Variants in CFAP90 observed in about 807,000 individuals in gnomAD.
CFAP90 encodes the protein cilia- and flagella-associated protein 90.
the CFAP90 span, among the ~76,000 whole-genome samples, chr5:7,836,035 G>A: frequency 6.6e-6 from 1 of 152,144 alleles, no homozygotes; most frequent in East Asian, 1.9e-4. Flanking sequence ...ATGCTGGAAG[G>A]GCAAACAAGC....
At chr5:7,844,124 G>A in the CFAP90 span, among the ~76,000 whole-genome samples, 2 of 151,918 alleles carry the variant, frequency 1.3e-5, no homozygotes, top group Non-Finnish European at 2.9e-5. Context: ...TCAGCCCCCC[G>A]ACCAACCCCT....
the CFAP90 span, among the ~76,000 whole-genome samples, chr5:7,846,565 C>T: frequency 3.9e-5 from 6 of 152,130 alleles, no homozygotes; most frequent in African/African-American, 1.4e-4. Flanking sequence ...GAGGGCTCCA[C>T]CTTCATGTCC....
At chr5:7,848,814 C>T in the CFAP90 span, among the ~76,000 whole-genome samples, 1 of 152,180 alleles carries the variant, frequency 6.6e-6, no homozygotes, top group Admixed American at 6.5e-5. Flanking sequence ...CTTCACTGTG[C>T]ACTCATTCCT....
At chr5:7,839,161 A>G in the CFAP90 span, among the ~76,000 whole-genome samples, 164 of 152,326 alleles carry the variant, frequency 1.1e-3, no homozygotes, top group African/African-American at 3.8e-3. Context: ...TCACTAACGC[A>G]GTAACAGCAC....
chr5:7,849,935 G>A, the CFAP90 span, among the ~76,000 whole-genome samples: 1 of 151,946 alleles, frequency 6.6e-6, no homozygotes, highest in African/African-American at 2.4e-5. Context: ...CGCCCAGCCC[G>A]CTGGGCGGCC....
At chr5:7,840,625 T>C in the CFAP90 span, among the ~76,000 whole-genome samples, 4 of 152,174 alleles carry the variant, frequency 2.6e-5, no homozygotes, top group Admixed American at 6.5e-5. Context: ...ACTGCTGTAC[T>C]TAGAACCACT....
At chr5:7,850,950 C>T in the CFAP90 span, 3 of 1,341,130 alleles carry the variant, frequency 2.2e-6, no homozygotes, top group Admixed American at 3.1e-5. Context: ...AGGCGGACTG[C>T]GCCGAGACGG....
the CFAP90 span, among the ~76,000 whole-genome samples, chr5:7,832,365 C>T: frequency 2.0e-5 from 3 of 152,128 alleles, no homozygotes; most frequent in Non-Finnish European, 2.9e-5. Flanking sequence ...GATCCTGGCT[C>T]AGATGTCCAG....
chr5:7,831,243 T>C, the CFAP90 span: 1 of 152,322 alleles, frequency 6.6e-6, no homozygotes, highest in African/African-American at 2.4e-5. Context: ...CACCCATCCT[T>C]ACTAGGGCTC....
At chr5:7,851,043 C>A in the CFAP90 span, 1 of 1,238,230 alleles carries the variant, frequency 8.1e-7, no homozygotes, top group Non-Finnish European at 1.0e-6. Context: ...CCAGCGCCCC[C>A]GCCTTGGCCG....
the CFAP90 span, chr5:7,850,873 AC>A: frequency 7.6e-7 from 1 of 1,321,850 alleles, no homozygotes; most frequent in South Asian, 2.9e-5. Context: ...CGCGGTCCTC[AC>A]CCGCGCCGGG....
the CFAP90 span, among the ~76,000 whole-genome samples, chr5:7,845,113 A>G: frequency 4.0e-5 from 6 of 151,504 alleles, no homozygotes; most frequent in African/African-American, 1.2e-4. Flanking sequence ...GGCAGGAGAG[A>G]CAGAGAGAGA....
At chr5:7,839,878 C>T in the CFAP90 span, among the ~76,000 whole-genome samples, 3 of 152,198 alleles carry the variant, frequency 2.0e-5, no homozygotes, top group Non-Finnish European at 4.4e-5. Context: ...CATCAGCAGG[C>T]AGGCAGCCTC....
At chr5:7,838,789 C>T in the CFAP90 span, among the ~76,000 whole-genome samples, 14 of 152,128 alleles carry the variant, frequency 9.2e-5, no homozygotes, top group African/African-American at 2.7e-4. Flanking sequence ...TAGAACTGAA[C>T]CCCTGGGAGA....
the CFAP90 span, among the ~76,000 whole-genome samples, chr5:7,842,077 C>T: frequency 2.6e-5 from 4 of 152,122 alleles, no homozygotes; most frequent in African/African-American, 7.2e-5. Flanking sequence ...CCACCAAGTC[C>T]GTGGTACATT....
At chr5:7,832,069 A>G in the CFAP90 span, 37 of 1,581,366 alleles carry the variant, frequency 2.3e-5, no homozygotes, top group Non-Finnish European at 3.0e-5. Flanking sequence ...GCACCACTGC[A>G]TTCGCCAGCA....
At chr5:7,844,595 C>A in the CFAP90 span, among the ~76,000 whole-genome samples, 1,791 of 152,120 alleles carry the variant, frequency 0.012, 32 homozygotes, top group African/African-American at 0.041. Flanking sequence ...TACTAATAGG[C>A]AAAAGGAGAA....
chr5:7,846,355 G>A, the CFAP90 span, among the ~76,000 whole-genome samples: 1 of 152,200 alleles, frequency 6.6e-6, no homozygotes, highest in African/African-American at 2.4e-5. Context: ...CATACGCTGG[G>A]TGATTTATAA....
At chr5:7,840,682 G>A in the CFAP90 span, among the ~76,000 whole-genome samples, 5 of 152,116 alleles carry the variant, frequency 3.3e-5, no homozygotes, top group Admixed American at 6.5e-5. Context: ...TGTCCTCCAA[G>A]CATTCACATG....
Sources: allele counts gnomAD v4.1 joint callset (sites outside exome capture counted in the v4.1 genomes callset), GRCh38; gene constraint gnomAD v4.1.1; transcripts MANE v1.5; gene names NCBI Gene and HGNC (gene_info 2026-07-23, HGNC 2026-07-21).